ERICH6: variants seen among roughly 807,000 people sequenced by gnomAD.
The protein encoded by ERICH6 is glutamate-rich protein 6.
ERICH6 carries 71 observed loss-of-function variants against 71.0 expected under a neutral mutation model. That is an observed-to-expected ratio of 1.00 (90% CI 0.83 to 1.22). The LOEUF (loss-of-function observed/expected upper bound fraction) is 1.22, where lower values mean the gene tolerates loss of function less well. Ranked by LOEUF, ERICH6 falls within the 50% of genes most tolerant of loss-of-function variation. The probability of loss-of-function intolerance (pLI) is 0.00; values close to 1 mark genes in which losing one functional copy is unlikely to be tolerated. For missense variants in ERICH6, 808 were observed against 797.2 expected (o/e 1.01, Z -0.16); for synonymous variants, 262 against 278.4 (o/e 0.94, Z 0.59).
chr3:150,688,377 A>T (rs1362947786), intron 3 of ERICH6, among the ~76,000 whole-genome samples: 1 of 152,244 alleles, frequency 6.6e-6, no homozygotes, highest in African/African-American at 2.4e-5. Context: ...CTAGCATTAC[A>T]TAAGTCACAA....
At chr3:150,672,027 T>A (rs1275547874) in intron 11 of ERICH6, among the ~76,000 whole-genome samples, 1 of 152,036 alleles carries the variant, frequency 6.6e-6, no homozygotes, top group East Asian at 1.9e-4. Flanking sequence ...ATAGCAAAAA[T>A]TGTGAAACCA....
At chr3:150,673,318 G>A (rs1369448767) in intron 11 of ERICH6, among the ~76,000 whole-genome samples, 3 of 151,690 alleles carry the variant, frequency 2.0e-5, no homozygotes, top group Non-Finnish European at 2.9e-5. Context: ...CTCCTGAGTA[G>A]CCAGGACTTC....
intron 2 of ERICH6, 53 bp downstream of exon 2, chr3:150,702,068 A>C: frequency 8.4e-7 from 1 of 1,184,150 alleles, no homozygotes; most frequent in Non-Finnish European, 1.2e-6. Context: ...GTTTATCCAA[A>C]AGGTAAACAT....
At chr3:150,689,234 G>T (rs752126208) in intron 3 of ERICH6, among the ~76,000 whole-genome samples, 1 of 121,136 alleles carries the variant, frequency 8.3e-6, no homozygotes, top group South Asian at 2.9e-4. Context: ...ACTCAAGGAA[G>T]TCATTTTTTT....
intron 3 of ERICH6, among the ~76,000 whole-genome samples, chr3:150,688,728 C>T (rs576640629): frequency 2.0e-4 from 30 of 152,340 alleles, no homozygotes; most frequent in African/African-American, 6.3e-4. Flanking sequence ...TCTTCTCTAC[C>T]TACGACCTGG....
intron 10 of ERICH6, among the ~76,000 whole-genome samples, chr3:150,677,978 T>C (rs771125810): frequency 1.3e-5 from 2 of 152,188 alleles, no homozygotes; most frequent in South Asian, 2.1e-4. Context: ...ATTAGTTACA[T>C]GTAGCTGTCT....
At chr3:150,669,237 A>T in intron 12 of ERICH6, 59 bp downstream of exon 12, 1 of 1,518,362 alleles carries the variant, frequency 6.6e-7, no homozygotes. Flanking sequence ...AAAAAGAAAA[A>T]ACAAAATTTC....
intron 1 of ERICH6, 94 bp from the exon 2 acceptor site, chr3:150,702,272 T>TC: frequency 3.3e-6 from 1 of 302,042 alleles, no homozygotes; most frequent in South Asian, 7.6e-5. Context: ...TCTGGAGACT[T>TC]TTTTTTTTTT....
At chr3:150,672,427 G>A (rs1711512739) in intron 11 of ERICH6, among the ~76,000 whole-genome samples, 1 of 150,756 alleles carries the variant, frequency 6.6e-6, no homozygotes. Context: ...GCGAAACCCT[G>A]TCTCTACTAA....
At chr3:150,683,906 C>G (rs913968938) in intron 6 of ERICH6, among the ~76,000 whole-genome samples, 1 of 152,190 alleles carries the variant, frequency 6.6e-6, no homozygotes, top group Admixed American at 6.5e-5. Context: ...CCTGAAAGAC[C>G]TGCTGAGGAG....
At chr3:150,685,631 G>C in intron 6 of ERICH6, 111 bp downstream of exon 6, 1 of 879,646 alleles carries the variant, frequency 1.1e-6, no homozygotes, top group Non-Finnish European at 1.7e-6. Context: ...GAGCTCTTTG[G>C]CTTTTTTTTT....
At chr3:150,661,946 T>C (rs115077862) in intron 13 of ERICH6, among the ~76,000 whole-genome samples, 2,501 of 152,230 alleles carry the variant, frequency 0.016, 29 homozygotes, top group South Asian at 0.053. Flanking sequence ...AATCCAACTA[T>C]ATGTGGTTTG....
intron 13 of ERICH6, among the ~76,000 whole-genome samples, chr3:150,660,836 C>A (rs948417268): frequency 1.3e-5 from 2 of 152,210 alleles, no homozygotes; most frequent in Non-Finnish European, 2.9e-5. Context: ...GCAAGCAGAA[C>A]TACTACCCTC....
chr3:150,703,427 G>T, intron 1 of ERICH6, 69 bp downstream of exon 1: 2 of 1,483,560 alleles, frequency 1.3e-6, no homozygotes, highest in Non-Finnish European at 1.8e-6. Flanking sequence ...GCACCACCCA[G>T]GAGTGGGTGG....
In ERICH6 at chr3:150,673,089, C is replaced by CTCCT. The variant is rs377475684; in HGVS notation, c.1343+863_1343+866dup. 1.0e-3 allele frequency among the ~76,000 whole-genome samples: 154 copies of CTCCT among 150,702 alleles called. 1 individual carries two copies. Among genetic ancestry groups the CTCCT allele is most frequent in the African/African-American group, 2.9e-3 (121 of 41,046 alleles). On this transcript the variant is annotated intron_variant, in intron 11 of 13. Transcript: ENST00000295910. ...GGGTGGTAGAATTTGAGGGTAGTCT[C>CTCCT]TCCTTCCTTCCTTCCTTCCTTTTTC...
At chr3:150,676,326 C>T (rs1177209689) in intron 10 of ERICH6, among the ~76,000 whole-genome samples, 1 of 151,928 alleles carries the variant, frequency 6.6e-6, no homozygotes, top group Non-Finnish European at 1.5e-5. Flanking sequence ...TTCAAATTTG[C>T]TATGTCAGTT....
chr3:150,679,143 T>C (rs1711795102), intron 9 of ERICH6, among the ~76,000 whole-genome samples: 1 of 152,002 alleles, frequency 6.6e-6, no homozygotes. Flanking sequence ...AACTTTGTAT[T>C]AGGGATTTAG....
Position 150,703,518 on chromosome 3 carries a change from G to GGGTGGGC in ERICH6, c.374_380dup (p.Ser128ProfsTer9). 6.2e-7 allele frequency: 1 copy of GGGTGGGC among 1,607,708 alleles called. No homozygotes were observed. Among genetic ancestry groups the GGGTGGGC allele is most frequent in the Non-Finnish European group, 8.5e-7 (1 of 1,177,224 alleles). Reference sequence around the variant, plus strand: ...TACTTTTATGCGAGGAGGTGCTGGAGGGTGGGCTTGCGCTCGGCGTTTCAG... The same window carrying GGGTGGGC: ...TACTTTTATGCGAGGAGGTGCTGGAGGGTGGGCGGTGGGCTTGCGCTCGGCGTTTCAG... On this transcript the variant is annotated frameshift_variant, in exon 1 of 14. Coordinates refer to ENST00000295910, the MANE Select transcript of ERICH6 (RefSeq NM_152394.5). LOFTEE classifies it high-confidence loss of function.
intron 11 of ERICH6, among the ~76,000 whole-genome samples, chr3:150,671,088 T>G (rs1380304468): frequency 6.6e-6 from 1 of 152,202 alleles, no homozygotes; most frequent in African/African-American, 2.4e-5. Flanking sequence ...AATAGGATTC[T>G]GTCTCTAAAA....
Sources: gnomAD v4.1 joint callset for allele counts (sites outside exome capture counted in the v4.1 genomes callset) on GRCh38, gnomAD v4.1.1 for gene constraint, MANE v1.5 for transcripts, NCBI Gene and HGNC (gene_info 2026-07-23, HGNC 2026-07-21) for gene names.